The following PITPNC1 variants were observed in gnomAD, a reference collection of about 807,000 sequenced individuals.
PITPNC1 encodes phosphatidylinositol transfer protein cytoplasmic 1, also known as cytoplasmic phosphatidylinositol transfer protein 1.
In PITPNC1, 18 loss-of-function variants were observed where a neutral mutation model predicts 44.7. That is an observed-to-expected ratio of 0.40 (90% confidence interval 0.28 to 0.60). The LOEUF (loss-of-function observed/expected upper bound fraction) is 0.60. PITPNC1 is among the 20% of genes least tolerant of loss of function. PITPNC1 has a pLI of 0.39. For missense variants in PITPNC1, 290 were observed against 418.4 expected, an observed-to-expected ratio of 0.69 and a Z score of 2.68; for synonymous variants, 141 against 149.6, an observed-to-expected ratio of 0.94 and a Z score of 0.42.
chr17:67,652,752 C>T (rs1015074332), intron 6 of PITPNC1, among the ~76,000 whole-genome samples: 5 of 152,136 alleles, frequency 3.3e-5, no homozygotes, highest in African/African-American at 1.2e-4. Flanking sequence ...TACTGGGGTT[C>T]GGTGCTCCGT....
In PITPNC1 at chr17:67,694,679, A is replaced by AGTG. The variant is rs2042982513; in HGVS notation, c.*1792_*1794dup. The stretch of plus-strand genomic sequence containing the variant: ...CCTGTTGCAAATAGCTTAGATCAAC[A>AGTG]GTGTATCTCTTCCCTAAGAATGATA... On this transcript the variant is annotated 3_prime_UTR_variant, in exon 9 of 9. Coordinates refer to ENST00000581322, the MANE Select transcript of PITPNC1 (RefSeq NM_012417.4). 6.6e-6 allele frequency: 1 copy of AGTG among 152,252 alleles called. No individual in the cohort carries two copies. Among genetic ancestry groups the AGTG allele is most frequent in the Non-Finnish European group, 1.5e-5 (1 of 68,032 alleles). 9.4% of individuals were successfully genotyped at this position (152,252 alleles called of 1,614,324 possible).
chr17:67,487,954 C>T (rs565540559), intron 1 of PITPNC1, among the ~76,000 whole-genome samples: 33 of 152,266 alleles, frequency 2.2e-4, no homozygotes, highest in Admixed American at 3.3e-4. Context: ...AGAGAAGCTA[C>T]GATTTTTTCT....
At chr17:67,529,813 C>G (rs536446928) in intron 1 of PITPNC1, among the ~76,000 whole-genome samples, 5 of 152,090 alleles carry the variant, frequency 3.3e-5, no homozygotes, top group African/African-American at 1.2e-4. Context: ...CGGGTCGTAG[C>G]GGCGTGCGCC....
intron 1 of PITPNC1, among the ~76,000 whole-genome samples, chr17:67,419,442 C>T (rs549286308): frequency 6.6e-6 from 1 of 152,256 alleles, no homozygotes; most frequent in African/African-American, 2.4e-5. Flanking sequence ...TCCGTCATTG[C>T]TTCAAGTGTG....
At chr17:67,669,430 T>C in intron 6 of PITPNC1, 78 bp from the exon 7 acceptor site, 1 of 1,086,378 alleles carries the variant, frequency 9.2e-7, no homozygotes, top group South Asian at 1.6e-5. Flanking sequence ...TTCTATGTTA[T>C]TTAATACTTA....
intron 7 of PITPNC1, among the ~76,000 whole-genome samples, chr17:67,673,744 T>G (rs1363354247): frequency 6.6e-6 from 1 of 151,234 alleles, no homozygotes; most frequent in Non-Finnish European, 1.5e-5. Flanking sequence ...AGATCAGGGG[T>G]TCGAGACCAG....
chr17:67,517,672 A>G (rs36084697), intron 1 of PITPNC1, among the ~76,000 whole-genome samples: 7,947 of 152,324 alleles, frequency 0.052, 254 homozygotes, highest in Middle Eastern at 0.11. Flanking sequence ...CATGTATTGT[A>G]TGATTCCATT....
At chr17:67,471,335 C>G (rs915866424) in intron 1 of PITPNC1, among the ~76,000 whole-genome samples, 1 of 150,530 alleles carries the variant, frequency 6.6e-6, no homozygotes, top group Non-Finnish European at 1.5e-5. Flanking sequence ...AATGGATATA[C>G]CACAGTCTGT....
intron 4 of PITPNC1, among the ~76,000 whole-genome samples, chr17:67,560,396 C>T (rs1365070229): frequency 6.6e-6 from 1 of 152,176 alleles, no homozygotes; most frequent in Admixed American, 6.5e-5. Flanking sequence ...GAATGCCCAA[C>T]AGTAATGGAA....
intron 4 of PITPNC1, among the ~76,000 whole-genome samples, chr17:67,563,901 ATAGATTAGATAGC>A (rs975988569): frequency 2.0e-5 from 3 of 152,178 alleles, no homozygotes; most frequent in African/African-American, 7.2e-5. Context: ...GGATGGATAG[ATAGATTAGATAGC>A]TAGATTAGAT....
At chr17:67,497,230 T>G (rs72845164) in intron 1 of PITPNC1, among the ~76,000 whole-genome samples, 3,014 of 152,048 alleles carry the variant, frequency 0.02, 39 homozygotes, top group Middle Eastern at 0.055. Context: ...CTCCTTTTTT[T>G]TTTTTTTGAG....
intron 5 of PITPNC1, among the ~76,000 whole-genome samples, chr17:67,629,830 T>C (rs1676639132): frequency 6.6e-6 from 1 of 152,170 alleles, no homozygotes; most frequent in South Asian, 2.1e-4. Context: ...CAAGTAGCAG[T>C]GGAAAGAATC....
chr17:67,498,827 T>G (rs987099946), intron 1 of PITPNC1, among the ~76,000 whole-genome samples: 2 of 152,118 alleles, frequency 1.3e-5, no homozygotes, highest in Non-Finnish European at 2.9e-5. Context: ...TATACTCATG[T>G]ACTCACTAGT....
At chr17:67,532,572 A>G (rs2040476312) in intron 1 of PITPNC1, among the ~76,000 whole-genome samples, 1 of 152,064 alleles carries the variant, frequency 6.6e-6, no homozygotes, top group African/African-American at 2.4e-5. Flanking sequence ...CCGGCCGAGC[A>G]TTTGCCAAGG....
At chr17:67,691,869 C>T (rs60079071) in intron 8 of PITPNC1, among the ~76,000 whole-genome samples, 70,834 of 151,792 alleles carry the variant, frequency 0.47, 17,971 homozygotes, top group Admixed American at 0.6. Flanking sequence ...TTAAACCAGG[C>T]ATTATGGCAT....
At chr17:67,441,279 C>A (rs189716594) in intron 1 of PITPNC1, among the ~76,000 whole-genome samples, 118 of 148,416 alleles carry the variant, frequency 8.0e-4, no homozygotes, top group Non-Finnish European at 1.1e-3. Context: ...TTTATTAAGC[C>A]CCCCCCCGCC....
intron 8 of PITPNC1, among the ~76,000 whole-genome samples, chr17:67,685,157 T>G (rs2042788975): frequency 6.6e-6 from 1 of 152,274 alleles, no homozygotes; most frequent in African/African-American, 2.4e-5. Context: ...AAAGAATGTG[T>G]TGTTATTATT....
chr17:67,615,048 C>T (rs1000297610), intron 5 of PITPNC1, among the ~76,000 whole-genome samples: 22 of 152,160 alleles, frequency 1.4e-4, no homozygotes, highest in Admixed American at 1.1e-3. Flanking sequence ...ACCCTCCCCA[C>T]ATGCTAGCCC....
chr17:67,393,104 T>G (rs1377014654), intron 1 of PITPNC1, among the ~76,000 whole-genome samples: 5 of 148,294 alleles, frequency 3.4e-5, no homozygotes, highest in Admixed American at 2.8e-4. Context: ...CACTCCAGCC[T>G]GGGCTACAGA....
Sources: allele counts gnomAD v4.1 joint callset (sites outside exome capture counted in the v4.1 genomes callset), GRCh38; gene constraint gnomAD v4.1.1; transcripts MANE v1.5; gene names NCBI Gene and HGNC (gene_info 2026-07-23, HGNC 2026-07-21).